The following PDE8B variants were observed in gnomAD, a reference collection of about 807,000 sequenced individuals.
PDE8B encodes high affinity cAMP-specific and IBMX-insensitive 3',5'-cyclic phosphodiesterase 8B.
A neutral mutation model predicts 101.3 loss-of-function variants in PDE8B; 26 were observed. The ratio of observed to expected loss-of-function variants is 0.26; its 90% CI spans 0.19 to 0.36. The LOEUF (loss-of-function observed/expected upper bound fraction) is 0.36. Among genes scored for constraint, PDE8B ranks in the 10% least tolerant of loss-of-function variants. The pLI is 1.00. For synonymous variants in PDE8B, 424 were observed against 429.3 expected, an observed-to-expected ratio of 0.99 and a Z score of 0.15; for missense variants, 810 against 1,163.1, an observed-to-expected ratio of 0.70 and a Z score of 4.42.
At chr5:77,256,407 C>G (rs1759184178) in intron 1 of PDE8B, among the ~76,000 whole-genome samples, 1 of 152,178 alleles carries the variant, frequency 6.6e-6, no homozygotes, top group African/African-American at 2.4e-5. Flanking sequence ...ACCTGAAAGT[C>G]CCTCTACTTC....
In PDE8B at chr5:77,427,203, C is replaced by T. The variant is rs1798301865; in HGVS notation, c.*649C>T. The T allele has an allele frequency of 6.5e-6, 1 of 152,816 alleles. No individual in the cohort carries two copies. Among genetic ancestry groups the T allele is most frequent in the Non-Finnish European group, 1.5e-5 (1 of 68,300 alleles). The allele number at this position is 152,816 out of a possible 1,614,324, so 9.5% of individuals were successfully genotyped here. A position where few individuals can be genotyped will look rare whatever the true frequency, so the allele number is the denominator to read the frequency against. On this transcript the variant is annotated 3_prime_UTR_variant, in exon 22 of 22. Transcript: ENST00000264917. Reference sequence around the variant, plus strand: ...GTGGGTGCCCTCTCTAGACTGGTATCAGCAGCCTGTGTAACCCCTTTCCTG... The same window carrying T: ...GTGGGTGCCCTCTCTAGACTGGTATTAGCAGCCTGTGTAACCCCTTTCCTG...
At chr5:77,180,497 A>T in the PDE8B span, 1 of 985,112 alleles carries the variant, frequency 1.0e-6, no homozygotes, top group Non-Finnish European at 1.2e-6. Flanking sequence ...GTGAGCCCCC[A>T]GCGCGGGGGA....
At chr5:77,354,269 C>T (rs1026126416) in intron 10 of PDE8B, among the ~76,000 whole-genome samples, 1 of 152,094 alleles carries the variant, frequency 6.6e-6, no homozygotes, top group Admixed American at 6.6e-5. Context: ...CCAGTGAGCC[C>T]GTGAGGGTCT....
chr5:77,182,577 T>C, the PDE8B span, among the ~76,000 whole-genome samples: 1 of 152,224 alleles, frequency 6.6e-6, no homozygotes, highest in African/African-American at 2.4e-5. Context: ...CTTGCAGAGC[T>C]CATGGAGGCC....
At chr5:77,158,197 G>A in the PDE8B span, among the ~76,000 whole-genome samples, 1 of 152,200 alleles carries the variant, frequency 6.6e-6, no homozygotes, top group African/African-American at 2.4e-5. Context: ...ACTGGGTGCT[G>A]TATGTAGCTG....
At chr5:77,259,372 C>T (rs1561429784) in intron 1 of PDE8B, among the ~76,000 whole-genome samples, 1 of 152,116 alleles carries the variant, frequency 6.6e-6, no homozygotes, top group Non-Finnish European at 1.5e-5. Flanking sequence ...TATCTTCTTG[C>T]CCTCTCCCTT....
the PDE8B span, among the ~76,000 whole-genome samples, chr5:77,189,378 G>A: frequency 6.6e-6 from 1 of 152,128 alleles, no homozygotes; most frequent in Non-Finnish European, 1.5e-5. Context: ...AGAGGAGAAA[G>A]GATGCAAGTG....
chr5:77,291,432 C>T, intron 1 of PDE8B: 1 of 1,611,550 alleles, frequency 6.2e-7, no homozygotes, highest in Non-Finnish European at 8.5e-7. Context: ...TGTGACAGGT[C>T]TTGCCCACGA....
intron 1 of PDE8B, chr5:77,291,052 T>A (rs1425571800): frequency 1.2e-6 from 2 of 1,611,718 alleles, no homozygotes; most frequent in African/African-American, 2.7e-5. Context: ...CAGGAGAGGT[T>A]TGGGAGAAGT....
chr5:77,110,728 A>G, the PDE8B span, among the ~76,000 whole-genome samples: 1 of 152,214 alleles, frequency 6.6e-6, no homozygotes, highest in South Asian at 2.1e-4. Flanking sequence ...CAAGTAATGC[A>G]GTGTGTACCC....
chr5:77,228,062 C>A (rs1752793153), intron 1 of PDE8B, among the ~76,000 whole-genome samples: 1 of 152,148 alleles, frequency 6.6e-6, no homozygotes, highest in Admixed American at 6.5e-5. Context: ...TTGGCTAGGG[C>A]AGGGTCTTAT....
At chr5:77,270,982 TG>T (rs374695313) in intron 1 of PDE8B, among the ~76,000 whole-genome samples, 16 of 152,180 alleles carry the variant, frequency 1.1e-4, no homozygotes, top group African/African-American at 3.9e-4. Context: ...AAGGCAGCTC[TG>T]GGGGTAACCC....
chr5:77,181,263 C>G, the PDE8B span, among the ~76,000 whole-genome samples: 30 of 152,152 alleles, frequency 2.0e-4, no homozygotes, highest in Non-Finnish European at 4.1e-4. Flanking sequence ...AAGGGTCCCA[C>G]GCTGCGGGGT....
the PDE8B span, among the ~76,000 whole-genome samples, chr5:77,193,265 T>G: frequency 2.0e-5 from 3 of 152,190 alleles, no homozygotes; most frequent in East Asian, 5.8e-4. Flanking sequence ...TCACAAAGAT[T>G]TTTTCCTATG....
At chr5:77,180,544 C>T in the PDE8B span, 2 of 949,322 alleles carry the variant, frequency 2.1e-6, no homozygotes, top group Non-Finnish European at 2.5e-6. Flanking sequence ...CACCTGGGTA[C>T]CCGGCCGCTG....
chr5:77,346,189 G>A (rs956970710), intron 7 of PDE8B, among the ~76,000 whole-genome samples: 8 of 152,058 alleles, frequency 5.3e-5, no homozygotes, highest in Non-Finnish European at 1.2e-4. Flanking sequence ...ATGTTTTATG[G>A]CTGCCCCGTG....
chr5:77,124,142 AACTTT>A, the PDE8B span, among the ~76,000 whole-genome samples: 1 of 152,256 alleles, frequency 6.6e-6, no homozygotes, highest in East Asian at 1.9e-4. Flanking sequence ...CAACAATGTA[AACTTT>A]ACAATATCTA....
chr5:77,128,655 G>A, the PDE8B span, among the ~76,000 whole-genome samples: 1 of 152,220 alleles, frequency 6.6e-6, no homozygotes, highest in African/African-American at 2.4e-5. Flanking sequence ...GATGTGAAAT[G>A]GTGCTCAAGA....
chr5:77,417,457 G>C (rs981540493), intron 17 of PDE8B, among the ~76,000 whole-genome samples: 8 of 152,206 alleles, frequency 5.3e-5, no homozygotes, highest in Non-Finnish European at 1.5e-5. Context: ...GCACTATGCA[G>C]TGATAATTGG....
Sources: gnomAD v4.1 joint callset for allele counts (sites outside exome capture counted in the v4.1 genomes callset) on GRCh38, gnomAD v4.1.1 for gene constraint, MANE v1.5 for transcripts, NCBI Gene and HGNC (gene_info 2026-07-23, HGNC 2026-07-21) for gene names.